OPRK1: variants seen among roughly 807,000 people sequenced by gnomAD.
The protein encoded by OPRK1 is opioid receptor kappa 1.
A neutral mutation model predicts 24.5 loss-of-function variants in OPRK1; 15 were observed. The ratio of observed to expected loss-of-function variants is 0.61; its 90% CI spans 0.41 to 0.94. The LOEUF is 0.94. Among genes scored for constraint, OPRK1 ranks in the 40% least tolerant of loss-of-function variants. The probability of loss-of-function intolerance (pLI) is 0.00; values close to 1 mark genes in which losing one functional copy is unlikely to be tolerated. For synonymous variants in OPRK1, 205 were observed against 198.0 expected, an observed-to-expected ratio of 1.04 and a Z score of -0.30; for missense variants, 479 against 507.3, an observed-to-expected ratio of 0.94 and a Z score of 0.54.
At chr8:53,242,763 C>T (rs1807144215) in intron 2 of OPRK1, 5 of 1,143,762 alleles carry the variant, frequency 4.4e-6, no homozygotes, top group South Asian at 1.7e-5. Context: ...GCCTCGGCCT[C>T]CCAAAGTGCT....
At chr8:53,251,294 C>A (rs910400685) in intron 1 of OPRK1, 154 bp downstream of exon 1, 51 of 543,660 alleles carry the variant, frequency 9.4e-5, no homozygotes, top group Non-Finnish European at 1.6e-4. Flanking sequence ...CGCTCCTTCT[C>A]CCCCAGCCCC....
chr8:53,250,957 G>C lies in OPRK1; in HGVS notation c.81C>G (p.Ser27Arg), dbSNP rs766014784. Residue 27 changes from serine (S) to arginine (R), a missense_variant, in exon 2 of 4, where the codon AGC (serine) becomes AGG (arginine). Transcript: ENST00000265572. The part of the protein sequence containing the change: ...APSACLPPNS[S>R]AWFPGWAEPD... ...GCTCGGCCCAGCCGGGAAACCAGGCGCTGCTGTTGGGGGGCAGGCAGGCGC... is the reference window on the plus strand; with the variant it reads ...GCTCGGCCCAGCCGGGAAACCAGGCCCTGCTGTTGGGGGGCAGGCAGGCGC... 1.1e-5 allele frequency: 18 copies of C among 1,608,908 alleles called. No homozygotes were observed. The highest frequency in any genetic ancestry group is 1.5e-5 in the Non-Finnish European group (18 of 1,177,738).
At position 53,227,657 on chromosome 8, in the gene OPRK1, G is replaced by A. The variant is rs202096269; in HGVS notation, c.*1640C>T. ...TTCTGCCATATGTCATCTGTGTTAG[G>A]TGCCATGATAATCTGGAGTAGAGGC... is the stretch of plus-strand genomic sequence containing the variant. On this transcript the variant is annotated 3_prime_UTR_variant, in exon 4 of 4. Transcript: ENST00000265572. 5 of 151,698 alleles carry A rather than the reference G, an allele frequency of 3.3e-5. No individual in the cohort carries two copies. The highest frequency in any genetic ancestry group is 2.9e-5 in the Non-Finnish European group (2 of 67,960). 9.4% of individuals were successfully genotyped at this position (151,698 alleles called of 1,614,324 possible). A position where few individuals can be genotyped will look rare whatever the true frequency, so the allele number is the denominator to read the frequency against.
intron 2 of OPRK1, among the ~76,000 whole-genome samples, chr8:53,247,236 C>T (rs571060681): frequency 6.6e-6 from 1 of 152,134 alleles, no homozygotes; most frequent in South Asian, 2.1e-4. Context: ...AGAAAGAATC[C>T]AAATGTTTGC....
rs963549 is a variant in OPRK1 at position 53,229,264 on chromosome 8, C to T, written c.*33G>A. 0.15 allele frequency: 241,983 copies of T among 1,583,424 alleles called. 23,920 individuals are homozygous for T. Among genetic ancestry groups the T allele is most frequent in the African/African-American group, 0.48 (35,739 of 74,192 alleles). ...CTAGATCATTGAACTCCTCTCTTCC[C>T]GAAGAACTGTACGAAGACATCTCCA... On this transcript the variant is annotated 3_prime_UTR_variant, in exon 4 of 4. Transcript: ENST00000265572.
At chr8:53,241,849 G>A (rs1452215574) in intron 2 of OPRK1, among the ~76,000 whole-genome samples, 1 of 152,238 alleles carries the variant, frequency 6.6e-6, no homozygotes, top group African/African-American at 2.4e-5. Flanking sequence ...AAGCAAGGAA[G>A]GAAGGGTAAC....
chr8:53,229,559 A>G lies in OPRK1; in HGVS notation c.881T>C (p.Ile294Thr), dbSNP rs761030180. 1.9e-6 allele frequency: 3 copies of G among 1,614,204 alleles called. No homozygotes were observed. The highest frequency in any genetic ancestry group is 2.2e-5 in the South Asian group (2 of 91,088). ...GGTGCTCCCCAGAGCCTCCACCAGG[A>G]TGAATATGTGAATGGGAGTCCAGCA... ...VVCWTPIHIF[I>T]LVEALGSTSH... The change falls in exon 4 of 4, where the codon ATC (isoleucine) becomes ACC (threonine). Residue 294 changes from isoleucine to threonine, a missense_variant. By Grantham distance (89) the Ile-to-Thr change is moderately conservative. Transcript: ENST00000265572.
chr8:53,229,819 G>A lies in OPRK1; in HGVS notation c.621C>T (p.Val207=). 1 of 1,558,322 alleles carries A rather than the reference G, an allele frequency of 6.4e-7. No homozygotes were observed. The highest frequency in any genetic ancestry group is 8.7e-7 in the Non-Finnish European group (1 of 1,152,878). Reference sequence around the variant, plus strand: ...CTGGGAACTGCAAGGAGCACTCAATGACATCGACGTCTGGAGGAGGGCAAT... The same window carrying A: ...CTGGGAACTGCAAGGAGCACTCAATAACATCGACGTCTGGAGGAGGGCAAT... ...GGTKVREDVD[V]IECSLQFPDD... is the part of the protein sequence containing the mutation. Residue 207 remains valine (V), a synonymous_variant, in exon 4 of 4, where the codon GTC becomes GTT. Transcript: ENST00000265572.
intron 2 of OPRK1, chr8:53,242,981 C>T: frequency 7.9e-7 from 1 of 1,261,778 alleles, no homozygotes; most frequent in Non-Finnish European, 1.0e-6. Context: ...AAAATCTATT[C>T]TTCATATATA....
chr8:53,243,697 T>C (rs1004495155), intron 2 of OPRK1, among the ~76,000 whole-genome samples: 4 of 152,236 alleles, frequency 2.6e-5, no homozygotes, highest in African/African-American at 9.6e-5. Flanking sequence ...TGTATACAAA[T>C]TACTTTGAGA....
intron 2 of OPRK1, among the ~76,000 whole-genome samples, chr8:53,247,982 T>C (rs2128810481): frequency 8.2e-6 from 1 of 121,300 alleles, no homozygotes. Flanking sequence ...TAGAGCCAGA[T>C]TCTGTCTCAA....
rs978858912 is a variant in OPRK1 at position 53,237,400 on chromosome 8, A to G, written c.258-2289T>C. Among the ~76,000 whole-genome samples the G allele has an allele frequency of 2.0e-5, 3 of 152,348 alleles. No homozygotes were observed. In the East Asian group the frequency reaches 5.8e-4, roughly 29 times the overall value. ...AATATTTATAGCCAATAGATGTATG[A>G]AACTGTGTAAGACTTGAACATGTAA... On this transcript the variant is annotated intron_variant, in intron 2 of 3. Coordinates refer to ENST00000265572, the MANE Select transcript of OPRK1 (RefSeq NM_000912.5).
rs1236579501 is a variant in OPRK1, at chr8:53,227,490, TA to T, written c.*1806del. 1 of 152,234 alleles carries T rather than the reference TA, an allele frequency of 6.6e-6. No homozygotes were observed. The highest frequency in any genetic ancestry group is 1.5e-5 in the Non-Finnish European group (1 of 68,036). The allele number at this position is 152,234 out of a possible 1,614,324, so 9.4% of individuals were successfully genotyped here. ...CTTCCTGTACCATAGCCAAGATTTTTAACTATGGGATTAGTGTAAACCAGTA... is the reference window on the plus strand; with the variant it reads ...CTTCCTGTACCATAGCCAAGATTTTTACTATGGGATTAGTGTAAACCAGTA... On this transcript the variant is annotated 3_prime_UTR_variant, in exon 4 of 4. Transcript: ENST00000265572.
chr8:53,232,026 C>T (rs907947717), intron 3 of OPRK1, among the ~76,000 whole-genome samples: 1 of 152,128 alleles, frequency 6.6e-6, no homozygotes, highest in Non-Finnish European at 1.5e-5. Context: ...TGGAAATATC[C>T]TCCAGAAATG....
At chr8:53,236,701 A>C (rs1458123496) in intron 2 of OPRK1, among the ~76,000 whole-genome samples, 3 of 152,184 alleles carry the variant, frequency 2.0e-5, no homozygotes, top group Non-Finnish European at 4.4e-5. Context: ...GTTTCTAATG[A>C]GAAAGACTGA....
rs770526173 is a variant in OPRK1 at position 53,235,127 on chromosome 8, C to CAATAGA, written c.258-17_258-16insTCTATT. 6.3e-7 allele frequency: 1 copy of CAATAGA among 1,597,016 alleles called. No homozygotes were observed. Among genetic ancestry groups the CAATAGA allele is most frequent in the Admixed American group, 1.7e-5 (1 of 59,272 alleles). On this transcript the variant is annotated splice_polypyrimidine_tract_variant and intron_variant, in intron 2 of 3. Coordinates refer to ENST00000265572, the MANE Select transcript of OPRK1 (RefSeq NM_000912.5). Reference sequence around the variant, plus strand: ...CTTTGTGTATCTAAAAGAAAAGAAACAATAGCATTTCCCTCCATTTTCAAG... The same window carrying CAATAGA: ...CTTTGTGTATCTAAAAGAAAAGAAACAATAGAAATAGCATTTCCCTCCATTTTCAAG...
intron 2 of OPRK1, chr8:53,238,799 A>G: frequency 2.7e-6 from 2 of 749,552 alleles, no homozygotes; most frequent in Non-Finnish European, 3.3e-6. Flanking sequence ...GAAAGGTGGC[A>G]CTTGAGAAGG....
In OPRK1 at chr8:53,228,353, C is replaced by T. The variant is rs200227459; in HGVS notation, c.*944G>A. On this transcript the variant is annotated 3_prime_UTR_variant, in exon 4 of 4. Transcript: ENST00000265572. ...ATGAGTTGTGAGCACTGTTACGGGA[C>T]TAAATGGTATTCAGGGAGTCTGAAA... is the stretch of plus-strand genomic sequence containing the variant. 2.0e-5 allele frequency: 3 copies of T among 152,180 alleles called. No homozygotes were observed. Among genetic ancestry groups the T allele is most frequent in the Non-Finnish European group, 4.4e-5 (3 of 68,038 alleles). 9.4% of individuals were successfully genotyped at this position (152,180 alleles called of 1,614,324 possible).
At chr8:53,231,583 T>C (rs754790045) in intron 3 of OPRK1, among the ~76,000 whole-genome samples, 5 of 152,168 alleles carry the variant, frequency 3.3e-5, no homozygotes, top group Non-Finnish European at 7.3e-5. Context: ...GTCTGATCTG[T>C]AATTGTGTGT....
Sources: gnomAD v4.1 joint callset for allele counts (sites outside exome capture counted in the v4.1 genomes callset) on GRCh38, gnomAD v4.1.1 for gene constraint, MANE v1.5 for transcripts, NCBI Gene and HGNC (gene_info 2026-07-23, HGNC 2026-07-21) for gene names.